Variants in PCDH11X observed in about 807,000 individuals in gnomAD.
PCDH11X encodes the protein protocadherin-11 X-linked.
In PCDH11X, 18 loss-of-function variants were observed where a neutral mutation model predicts 53.3. The observed-to-expected ratio is 0.34, with a 90% CI of 0.23 to 0.50. The LOEUF (loss-of-function observed/expected upper bound fraction) is 0.50. PCDH11X is among the 20% of genes least tolerant of loss of function. The pLI is 0.98. For synonymous variants in PCDH11X, 279 were observed against 393.3 expected (o/e 0.71, Z 3.44); for missense variants, 570 against 1,032.4 (o/e 0.55, Z 6.14).
intron 6 of PCDH11X, among the ~76,000 whole-genome samples, chrX:91,885,042 C>T (rs2525204): frequency 3.1e-4 from 34 of 110,854 alleles, no homozygotes; most frequent in African/African-American, 1.0e-3. Context: ...CCATTAACTC[C>T]GTACAGAATC....
At chrX:92,409,415 C>T (rs1306017664) in intron 9 of PCDH11X, among the ~76,000 whole-genome samples, 1 of 111,852 alleles carries the variant, frequency 8.9e-6, no homozygotes, top group East Asian at 2.8e-4. Flanking sequence ...CTCTTAATTG[C>T]TTTGTTAGGC....
At chrX:92,602,294 G>C (rs775337204) in intron 10 of PCDH11X, among the ~76,000 whole-genome samples, 35 of 111,626 alleles carry the variant, frequency 3.1e-4, no homozygotes, top group Non-Finnish European at 6.4e-4. Context: ...AGCTCCATGA[G>C]AGCAAAAAAA....
rs749030766 is a variant in PCDH11X at position 91,899,498 on chromosome X, A to T, written c.3033+20225A>T. Among the ~76,000 whole-genome samples, 301 of 110,661 alleles carry T rather than the reference A, an allele frequency of 2.7e-3. 2 individuals are homozygous for T. The highest frequency in any genetic ancestry group is 9.6e-3 in the African/African-American group (293 of 30,517). ...GCAGGAACAATACTTTGCAAACTTCAATCCAATCAAGTTGACACTCAATGT... is the reference window on the plus strand; with the variant it reads ...GCAGGAACAATACTTTGCAAACTTCTATCCAATCAAGTTGACACTCAATGT... On this transcript the variant is annotated intron_variant, in intron 6 of 10. Transcript: ENST00000682573.
chrX:92,422,718 T>G (rs1281636523), intron 9 of PCDH11X, among the ~76,000 whole-genome samples: 6 of 112,359 alleles, frequency 5.3e-5, no homozygotes, highest in African/African-American at 1.6e-4. Context: ...TTTTAGTTTT[T>G]TAAGGAATCT....
At chrX:92,441,850 C>G (rs964223504) in intron 9 of PCDH11X, among the ~76,000 whole-genome samples, 2 of 110,489 alleles carry the variant, frequency 1.8e-5, no homozygotes, top group African/African-American at 6.6e-5. Flanking sequence ...ACAGCTTTCA[C>G]TGTGTGCCTG....
chrX:91,792,287 C>T (rs1475801748), intron 1 of PCDH11X, among the ~76,000 whole-genome samples: 1 of 111,658 alleles, frequency 9.0e-6, no homozygotes, highest in African/African-American at 3.3e-5. Context: ...AATTTCTTGG[C>T]CTGATCCAGC....
At chrX:91,826,890 G>T (rs774365863) in intron 4 of PCDH11X, among the ~76,000 whole-genome samples, 352 of 103,957 alleles carry the variant, frequency 3.4e-3, no homozygotes, top group Non-Finnish European at 4.4e-3. Flanking sequence ...TTGATTCTAT[G>T]TATTTACTAT....
chrX:92,287,004 C>CA (rs1246191938), intron 8 of PCDH11X, among the ~76,000 whole-genome samples: 11 of 107,529 alleles, frequency 1.0e-4, no homozygotes, highest in Non-Finnish European at 3.8e-5. Context: ...TGGTGCCATG[C>CA]AAAGTTTATA....
intron 10 of PCDH11X, among the ~76,000 whole-genome samples, chrX:92,576,337 C>A (rs1254528310): frequency 1.4e-5 from 1 of 72,741 alleles, no homozygotes; most frequent in Non-Finnish European, 2.6e-5. Context: ...ATCAATGAGT[C>A]TTTTTTTTTT....
intron 6 of PCDH11X, among the ~76,000 whole-genome samples, chrX:91,944,898 C>T (rs2061553689): frequency 9.7e-6 from 1 of 103,325 alleles, no homozygotes; most frequent in Non-Finnish European, 2.0e-5. Context: ...TAAGTGCAGT[C>T]ACATCAATAC....
intron 6 of PCDH11X, among the ~76,000 whole-genome samples, chrX:91,932,273 G>T (rs1409504319): frequency 4.5e-5 from 5 of 110,157 alleles, no homozygotes; most frequent in African/African-American, 1.7e-4. Context: ...GTATGATTAT[G>T]TGTATATGTT....
intron 6 of PCDH11X, among the ~76,000 whole-genome samples, chrX:92,128,698 C>G (rs1326384657): frequency 9.1e-6 from 1 of 110,164 alleles, no homozygotes. Context: ...CACACCTGGC[C>G]TCAGCATTAG....
chrX:92,492,637 T>C (rs966723833), intron 10 of PCDH11X, among the ~76,000 whole-genome samples: 7 of 109,061 alleles, frequency 6.4e-5, no homozygotes, highest in African/African-American at 2.3e-4. Context: ...CCCAGCTGGG[T>C]GCACAATTGT....
chrX:92,207,950 A>G (rs1002050782), intron 7 of PCDH11X, among the ~76,000 whole-genome samples: 6 of 111,082 alleles, frequency 5.4e-5, no homozygotes, highest in Admixed American at 2.9e-4. Context: ...TAATCCTAGC[A>G]CTTTGGGAGG....
At position 92,071,180 on chromosome X, in the gene PCDH11X, C is replaced by T. The variant is rs184977033; in HGVS notation, c.3034-130195C>T. On this transcript the variant is annotated intron_variant, in intron 6 of 10. Coordinates refer to ENST00000682573, the MANE Select transcript of PCDH11X (RefSeq NM_032968.5). ...TAGGCATGCTTCATAGTTTTTTATT[C>T]TTTTTTCTTTTGTCTCCTCTGACTG... is the stretch of plus-strand genomic sequence containing the variant. 6.4e-3 allele frequency among the ~76,000 whole-genome samples: 701 copies of T among 109,408 alleles called. 9 individuals are homozygous for T. The highest frequency in any genetic ancestry group is 0.023 in the African/African-American group (672 of 29,674).
intron 6 of PCDH11X, among the ~76,000 whole-genome samples, chrX:92,187,530 G>T (rs781134808): frequency 1.8e-5 from 2 of 111,250 alleles, no homozygotes; most frequent in African/African-American, 6.5e-5. Flanking sequence ...AATTTTAAAT[G>T]GAATGAATTT....
intron 6 of PCDH11X, among the ~76,000 whole-genome samples, chrX:91,964,775 C>T (rs1373421442): frequency 3.6e-5 from 4 of 111,973 alleles, no homozygotes; most frequent in African/African-American, 9.7e-5. Flanking sequence ...CTGTGCCTCT[C>T]TGGCCTAGCA....
chrX:91,832,633 T>TA (rs1166442241), intron 4 of PCDH11X, among the ~76,000 whole-genome samples: 3 of 107,969 alleles, frequency 2.8e-5, no homozygotes, highest in Admixed American at 1.0e-4. Flanking sequence ...CCCTAGAACT[T>TA]AAAGTATAAT....
chrX:92,414,195 C>T (rs1416077712), intron 9 of PCDH11X, among the ~76,000 whole-genome samples: 1 of 84,489 alleles, frequency 1.2e-5, no homozygotes, highest in Admixed American at 1.4e-4. Context: ...TAAGGAATGA[C>T]GCCTTCCCAT....
Sources: allele counts gnomAD v4.1 joint callset (sites outside exome capture counted in the v4.1 genomes callset), GRCh38; gene constraint gnomAD v4.1.1; transcripts MANE v1.5; gene names NCBI Gene and HGNC (gene_info 2026-07-23, HGNC 2026-07-21).